AMZ1: variants seen among roughly 807,000 people sequenced by gnomAD.
AMZ1 encodes the protein archaemetzincin-1.
In AMZ1, 39 loss-of-function variants were observed where a neutral mutation model predicts 29.9. The ratio of observed to expected loss-of-function variants is 1.30; its 90% confidence interval spans 1.01 to 1.70. The LOEUF is 1.70. Among genes scored for constraint, AMZ1 ranks in the 40% most tolerant of loss-of-function variants. The pLI is 0.00. For synonymous variants in AMZ1, 458 were observed against 304.0 expected (o/e 1.51, Z -5.27); for missense variants, 1,041 against 680.6 (o/e 1.53, Z -5.89).
chr7:2,702,641 G>A (rs1039432101), intron 2 of AMZ1, 81 bp from the exon 3 acceptor site: 20 of 1,432,412 alleles, frequency 1.4e-5, no homozygotes, highest in Non-Finnish European at 1.8e-5. Flanking sequence ...CCAGCAGGCC[G>A]GTGTCTGCGA....
chr7:2,700,162 C>T (rs1201521297), intron 1 of AMZ1, 72 bp from the exon 2 acceptor site: 9 of 476,458 alleles, frequency 1.9e-5, no homozygotes, highest in Admixed American at 1.3e-4. Flanking sequence ...GCAGGAGCGG[C>T]CCATCCCTTG....
chr7:2,707,592 G>C (rs1194052099), intron 3 of AMZ1, among the ~76,000 whole-genome samples: 1 of 152,046 alleles, frequency 6.6e-6, no homozygotes, highest in Admixed American at 6.6e-5. Context: ...TTGCTAGCTT[G>C]GATGACCCAC....
chr7:2,759,029 A>T (rs1237755092), intron 4 of AMZ1, among the ~76,000 whole-genome samples: 1 of 151,860 alleles, frequency 6.6e-6, no homozygotes, highest in Non-Finnish European at 1.5e-5. Flanking sequence ...AATCCCAGCT[A>T]CTGGGGAGGC....
At chr7:2,753,469 C>T (rs542827838) in intron 4 of AMZ1, among the ~76,000 whole-genome samples, 1 of 152,296 alleles carries the variant, frequency 6.6e-6, no homozygotes, top group South Asian at 2.1e-4. Context: ...GCTTTTTTCA[C>T]TCAACATAAT....
upstream of AMZ1, chr7:2,762,448 A>C (rs1454635564): frequency 1.9e-6 from 1 of 526,232 alleles, no homozygotes; most frequent in Non-Finnish European, 3.3e-6. Context: ...ACGCTACTTA[A>C]CTCCAAAGTC....
downstream of AMZ1, among the ~76,000 whole-genome samples, chr7:2,720,958 T>C (rs1789393529): frequency 6.6e-6 from 1 of 152,162 alleles, no homozygotes; most frequent in Non-Finnish European, 1.5e-5. Flanking sequence ...GGATTACAGG[T>C]GTGAGTCACC....
rs150234099 is a variant in AMZ1 at position 2,699,350 on chromosome 7, C to G, written c.-218-884C>G. On this transcript the variant is annotated intron_variant, in intron 1 of 6. Transcript: ENST00000683327. ...CACGGTTCTGCCAGCTCCACACCCC[C>G]CACCGTCTCCTCCCTACCTGGTCCG... Among the ~76,000 whole-genome samples, 1,385 of 152,314 alleles carry G rather than the reference C, an allele frequency of 9.1e-3. 9 individuals carry two copies. Among genetic ancestry groups the G allele is most frequent in the Middle Eastern group, 0.027 (8 of 294 alleles).
chr7:2,680,995 C>CG (rs1786862402), intron 1 of AMZ1, among the ~76,000 whole-genome samples: 1 of 152,238 alleles, frequency 6.6e-6, no homozygotes, highest in Non-Finnish European at 1.5e-5. Context: ...CCGGGCAGGG[C>CG]GGCCTCCAGG....
At position 2,719,278 on chromosome 7, in the gene AMZ1, G is replaced by A. The variant is rs1789313412; in HGVS notation, c.*6400G>A. Among the ~76,000 whole-genome samples, 1 of 152,212 alleles carries A rather than the reference G, an allele frequency of 6.6e-6. No individual in the cohort carries two copies. The highest frequency in any genetic ancestry group is 1.5e-5 in the Non-Finnish European group (1 of 68,036). ...CCTCTCCCGCCTGCACCACTTGGAG[G>A]CAGTTGTTTCACGTGGGGCTCTTGA... On this transcript the variant is annotated 3_prime_UTR_variant, in exon 7 of 7. Coordinates refer to ENST00000683327, the MANE Select transcript of AMZ1 (RefSeq NM_001384743.1).
At chr7:2,748,650 A>C (rs1266124328) in intron 4 of AMZ1, among the ~76,000 whole-genome samples, 1 of 152,228 alleles carries the variant, frequency 6.6e-6, no homozygotes, top group Middle Eastern at 3.2e-3. Flanking sequence ...AAAAGCCAAA[A>C]TTGACAAATG....
At chr7:2,761,421 C>T (rs548810467), upstream of AMZ1, among the ~76,000 whole-genome samples, 3 of 152,220 alleles carry the variant, frequency 2.0e-5, no homozygotes, top group Non-Finnish European at 4.4e-5. Context: ...GGACGGCTGA[C>T]TTCATGGCAG....
upstream of AMZ1, chr7:2,762,879 G>C (rs893463947): frequency 6.9e-7 from 1 of 1,440,158 alleles, no homozygotes; most frequent in Non-Finnish European, 9.2e-7. Flanking sequence ...AGCCCTGCTC[G>C]TGGAGCCATT....
At chr7:2,711,030 A>G (rs1421380960) in intron 6 of AMZ1, among the ~76,000 whole-genome samples, 2 of 152,102 alleles carry the variant, frequency 1.3e-5, no homozygotes, top group Admixed American at 6.5e-5. Context: ...ACTTTTAGAA[A>G]GTGTATGCCC....
At chr7:2,690,051 G>C (rs1787293607) in intron 1 of AMZ1, among the ~76,000 whole-genome samples, 1 of 152,190 alleles carries the variant, frequency 6.6e-6, no homozygotes, top group African/African-American at 2.4e-5. Context: ...GGCTTCTTGA[G>C]AGGAAATAGT....
chr7:2,722,303 C>T (rs1348251555), downstream of AMZ1, among the ~76,000 whole-genome samples: 8 of 151,064 alleles, frequency 5.3e-5, no homozygotes, highest in Non-Finnish European at 7.4e-5. Flanking sequence ...GACAGACTCT[C>T]GCTCTCTCGC....
downstream of AMZ1, among the ~76,000 whole-genome samples, chr7:2,721,290 C>T (rs1356041447): frequency 6.6e-6 from 1 of 152,238 alleles, no homozygotes; most frequent in Non-Finnish European, 1.5e-5. Context: ...TCCTGCCGCG[C>T]ACCGCAGATG....
chr7:2,720,308 T>A (rs1178662706), downstream of AMZ1, among the ~76,000 whole-genome samples: 2 of 152,226 alleles, frequency 1.3e-5, no homozygotes, highest in Non-Finnish European at 2.9e-5. Flanking sequence ...TCACTCCCCG[T>A]TTCCATGTCT....
At chr7:2,751,457 G>T (rs1346521622) in intron 4 of AMZ1, among the ~76,000 whole-genome samples, 1 of 148,866 alleles carries the variant, frequency 6.7e-6, no homozygotes, top group African/African-American at 2.5e-5. Flanking sequence ...ACTGACCAAA[G>T]GTACCACCTC....
upstream of AMZ1, among the ~76,000 whole-genome samples, chr7:2,759,640 A>C (rs539680148): frequency 2.0e-5 from 3 of 152,194 alleles, no homozygotes; most frequent in Non-Finnish European, 4.4e-5. Context: ...GCAGGTTCAG[A>C]GGTGTTTGTT....
Sources: gnomAD v4.1 joint callset for allele counts (sites outside exome capture counted in the v4.1 genomes callset) on GRCh38, gnomAD v4.1.1 for gene constraint, MANE v1.5 for transcripts, NCBI Gene and HGNC (gene_info 2026-07-23, HGNC 2026-07-21) for gene names.